Variants in SIX4 observed in about 807,000 individuals in gnomAD.
SIX4 encodes the protein homeobox protein SIX4.
Under a neutral mutation model 51.5 loss-of-function variants are expected in SIX4, and 23 were observed. The observed-to-expected ratio is 0.45, with a 90% CI of 0.32 to 0.63. The LOEUF is 0.63. Ranked by LOEUF, SIX4 falls within the 30% of genes least tolerant of loss-of-function variation. SIX4 has a pLI of 0.04. For synonymous variants in SIX4, 413 were observed against 417.3 expected (o/e 0.99, Z 0.13); for missense variants, 867 against 984.0 (o/e 0.88, Z 1.59).
intron 1 of SIX4, chr14:60,721,228 C>T: frequency 1.1e-6 from 1 of 875,692 alleles, no homozygotes; most frequent in Non-Finnish European, 1.4e-6. Flanking sequence ...TCCCTCTGTT[C>T]CAGGCAGGAC....
At position 60,711,468 on chromosome 14, in the gene SIX4, C is replaced by T. The variant is rs953649334; in HGVS notation, c.*1939G>A. 6.6e-6 allele frequency: 1 copy of T among 151,874 alleles called. No homozygotes were observed. Among genetic ancestry groups the T allele is most frequent in the African/African-American group, 2.4e-5 (1 of 41,326 alleles). 9.4% of individuals were successfully genotyped at this position (151,874 alleles called of 1,614,324 possible). A position where few individuals can be genotyped will look rare whatever the true frequency, so the allele number is the denominator to read the frequency against. ...TTGACATGTAGAGAACTAGAGTGGG[C>T]CCTTTGTTCTGATCATAAAAAAAAA... On this transcript the variant is annotated 3_prime_UTR_variant, in exon 3 of 3. Coordinates refer to ENST00000216513, the MANE Select transcript of SIX4 (RefSeq NM_017420.5).
At position 60,720,527 on chromosome 14, in the gene SIX4, T is replaced by C; in HGVS notation, c.864-82A>G. 1.5e-6 allele frequency: 2 copies of C among 1,346,486 alleles called. No homozygotes were observed. The highest frequency in any genetic ancestry group is 2.0e-6 in the Non-Finnish European group (2 of 981,996). The allele number at this position is 1,346,486 out of a possible 1,614,324, so 83.4% of individuals were successfully genotyped here. On this transcript the variant is annotated intron_variant, in intron 1 of 2. Transcript: ENST00000216513. The surrounding 1 kb of genome is among the most constrained non-coding windows in gnomAD (Gnocchi z 5.5). Reference sequence around the variant, plus strand: ...AGTGCCACTTGTTTGGAAAACCAGCTTCTAAATCCATTAAAGGCAGTATTT... The same window carrying C: ...AGTGCCACTTGTTTGGAAAACCAGCCTCTAAATCCATTAAAGGCAGTATTT...
chr14:60,718,519 T>C (rs1168903846), intron 2 of SIX4, among the ~76,000 whole-genome samples: 1 of 152,178 alleles, frequency 6.6e-6, no homozygotes, highest in Non-Finnish European at 1.5e-5. Context: ...TTTGGAAATT[T>C]TCCAAATGAG....
intron 2 of SIX4, among the ~76,000 whole-genome samples, chr14:60,718,783 T>G (rs1413659309): frequency 6.6e-6 from 1 of 152,204 alleles, no homozygotes; most frequent in South Asian, 2.1e-4. Context: ...TAGACCATAG[T>G]TGTGGTAACA....
At chr14:60,718,746 T>C in intron 2 of SIX4, among the ~76,000 whole-genome samples, 1 of 152,202 alleles carries the variant, frequency 6.6e-6, no homozygotes, top group Non-Finnish European at 1.5e-5. Flanking sequence ...GAACAATTTT[T>C]CCATTAATTC....
At chr14:60,715,660 T>C (rs17097756) in intron 2 of SIX4, among the ~76,000 whole-genome samples, 4,122 of 152,274 alleles carry the variant, frequency 0.027, 166 homozygotes, top group African/African-American at 0.088. Flanking sequence ...AAAGCTGAGA[T>C]GTTCAAATCA....
Position 60,711,971 on chromosome 14 carries a change from C to T in SIX4, c.*1436G>A, listed in dbSNP as rs532138676. 6.6e-6 allele frequency: 1 copy of T among 152,592 alleles called. No individual in the cohort carries two copies. Among genetic ancestry groups the T allele is most frequent in the Non-Finnish European group, 1.5e-5 (1 of 68,016 alleles). 9.5% of individuals were successfully genotyped at this position (152,592 alleles called of 1,614,324 possible). A position where few individuals can be genotyped will look rare whatever the true frequency, so the allele number is the denominator to read the frequency against. On this transcript the variant is annotated 3_prime_UTR_variant, in exon 3 of 3. Coordinates refer to ENST00000216513, the MANE Select transcript of SIX4 (RefSeq NM_017420.5). ...TTCAGAGTCTTGATAAAACTATAGCCACGGCTTACAACATTATTAAACAAG... is the reference window on the plus strand; with the variant it reads ...TTCAGAGTCTTGATAAAACTATAGCTACGGCTTACAACATTATTAAACAAG...
At position 60,724,300 on chromosome 14, in the gene SIX4, C is replaced by A; in HGVS notation, c.-226G>T. On this transcript the variant is annotated 5_prime_UTR_variant, in exon 1 of 3. Coordinates refer to ENST00000216513, the MANE Select transcript of SIX4 (RefSeq NM_017420.5). ...GCAAAGTAGTGTAAACGGATAGCTG[C>A]TTTCTGCCGTTCCCCCAACGTGACT... The A allele has an allele frequency of 2.0e-6, 3 of 1,519,968 alleles. No homozygotes were observed. The highest frequency in any genetic ancestry group is 2.6e-6 in the Non-Finnish European group (3 of 1,136,850). The allele number at this position is 1,519,968 out of a possible 1,614,324, so 94.2% of individuals were successfully genotyped here.
rs558068586 is a variant in SIX4 at position 60,720,557 on chromosome 14, A to G, written c.864-112T>C. ...AATCCATTAAAGGCAGTATTTAAGG[A>G]AAGCACAGCAGGATATCTGCTAGTC... is the stretch of plus-strand genomic sequence containing the variant. On this transcript the variant is annotated intron_variant, in intron 1 of 2. Transcript: ENST00000216513. The surrounding 1 kb of genome is among the most constrained non-coding windows in gnomAD (Gnocchi z 5.5). The G allele has an allele frequency of 9.7e-7, 1 of 1,034,056 alleles. No individual in the cohort carries two copies. Among genetic ancestry groups the G allele is most frequent in the South Asian group, 1.6e-5 (1 of 61,356 alleles). The allele number at this position is 1,034,056 out of a possible 1,614,324, so 64.1% of individuals were successfully genotyped here.
rs1220319026 is a variant in SIX4, at chr14:60,709,954, G to A, written c.*3453C>T. ...GTATGGTGGTAAATTAACATAAAATGTATCAATTAGATACAAAGTAACTGC... is the reference window on the plus strand; with the variant it reads ...GTATGGTGGTAAATTAACATAAAATATATCAATTAGATACAAAGTAACTGC... On this transcript the variant is annotated 3_prime_UTR_variant, in exon 3 of 3. Coordinates refer to ENST00000216513, the MANE Select transcript of SIX4 (RefSeq NM_017420.5). The surrounding 1 kb of genome is among the most constrained non-coding windows in gnomAD (Gnocchi z 4.1). 2.6e-5 allele frequency: 4 copies of A among 152,766 alleles called. No individual in the cohort carries two copies. Among genetic ancestry groups the A allele is most frequent in the Middle Eastern group, 3.4e-3 (1 of 294 alleles). The allele number at this position is 152,766 out of a possible 1,614,324, so 9.5% of individuals were successfully genotyped here. A position where few individuals can be genotyped will look rare whatever the true frequency, so the allele number is the denominator to read the frequency against.
rs772871390 is a variant in SIX4, at chr14:60,723,243, C to A, written c.832G>T (p.Asp278Tyr). The change falls in exon 1 of 3, where the codon GAC becomes TAC. Residue 278 changes from aspartate to tyrosine, a missense_variant. Physicochemically the swap from Asp to Tyr is radical, Grantham distance 160. Transcript: ENST00000216513. ...SNWFKNRRQR[D>Y]RNPSETQSKS... is the part of the protein sequence containing the mutation. The stretch of plus-strand genomic sequence containing the variant: ...GACTGGGTCTCGGAGGGGTTCCTGT[C>A]GCGCTGCCGGCGGTTCTTGAACCAG... 6.2e-7 allele frequency: 1 copy of A among 1,612,560 alleles called. No homozygotes were observed. Among genetic ancestry groups the A allele is most frequent in the Non-Finnish European group, 8.5e-7 (1 of 1,179,682 alleles).
In SIX4 at chr14:60,717,395, C is replaced by T. The variant is rs369901263; in HGVS notation, c.1549+2365G>A. Among the ~76,000 whole-genome samples, 289 of 152,262 alleles carry T rather than the reference C, an allele frequency of 1.9e-3. 7 individuals are homozygous for T. Among genetic ancestry groups the T allele is most frequent in the South Asian group, 0.013 (65 of 4,826 alleles). ...GCGTCTTTAAAATTCTTGTAGGCAG[C>T]TGATTTGTGGCAAAAAAACATCTCA... On this transcript the variant is annotated intron_variant, in intron 2 of 2. Transcript: ENST00000216513. This position sits in a 1 kb window ranked among gnomAD's most constrained non-coding sequence, Gnocchi z 4.6.
At position 60,713,617 on chromosome 14, in the gene SIX4, A is replaced by G; in HGVS notation, c.2136T>C (p.Arg712=). The G allele has an allele frequency of 2.5e-6, 4 of 1,614,212 alleles. No individual in the cohort carries two copies. The highest frequency in any genetic ancestry group is 3.4e-6 in the Non-Finnish European group (4 of 1,180,026). The change falls in exon 3 of 3, where the codon CGT becomes CGC. Residue 712 remains arginine, a synonymous_variant. Coordinates refer to ENST00000216513, the MANE Select transcript of SIX4 (RefSeq NM_017420.5). ...AVHQDFVQEH[R]LVLQSVANMK... is the part of the protein sequence containing the mutation. ...TGTTAGCTACCGATTGCAGAACCAA[A>G]CGATGTTCTTGGACAAAATCCTGAT... is the stretch of plus-strand genomic sequence containing the variant.
In SIX4 at chr14:60,723,784, G is replaced by T. The variant is rs1301505136; in HGVS notation, c.291C>A (p.Ala97=). 1.3e-6 allele frequency: 2 copies of T among 1,537,186 alleles called. No homozygotes were observed. Among genetic ancestry groups the T allele is most frequent in the South Asian group, 1.2e-5 (1 of 84,376 alleles). Residue 97 remains alanine, a synonymous_variant, in exon 1 of 3, where the codon GCC becomes GCA. Transcript: ENST00000216513. ...HSELLGRHHH[A]AAAAAQTPLA... ...GCGGGGTCTGCGCGGCGGCGGCGGCGGCGTGGTGGTGCCTGCCCAGAAGTT... is the reference window on the plus strand; with the variant it reads ...GCGGGGTCTGCGCGGCGGCGGCGGCTGCGTGGTGGTGCCTGCCCAGAAGTT...
In SIX4 at chr14:60,724,245, C is replaced by G; in HGVS notation, c.-171G>C. 1 of 1,538,414 alleles carries G rather than the reference C, an allele frequency of 6.5e-7. No homozygotes were observed. Among genetic ancestry groups the G allele is most frequent in the African/African-American group, 1.4e-5 (1 of 73,306 alleles). ...CTGGCCGATCAGGTTTCCCCCCGGCCACGCAGTCACCATTAAGATAGCTGT... is the reference window on the plus strand; with the variant it reads ...CTGGCCGATCAGGTTTCCCCCCGGCGACGCAGTCACCATTAAGATAGCTGT... On this transcript the variant is annotated 5_prime_UTR_variant, in exon 1 of 3. Coordinates refer to ENST00000216513, the MANE Select transcript of SIX4 (RefSeq NM_017420.5).
chr14:60,710,235 G>C lies in SIX4; in HGVS notation c.*3172C>G, dbSNP rs1359624729. On this transcript the variant is annotated 3_prime_UTR_variant, in exon 3 of 3. Transcript: ENST00000216513. ...ACACAGAGAGATTTAAGGTCAGTGT[G>C]CAATTTAACTATGGATTTTTACCTA... 2 of 152,568 alleles carry C rather than the reference G, an allele frequency of 1.3e-5. No individual in the cohort carries two copies. Among genetic ancestry groups the C allele is most frequent in the African/African-American group, 4.8e-5 (2 of 41,424 alleles). The allele number at this position is 152,568 out of a possible 1,614,324, so 9.5% of individuals were successfully genotyped here.
chr14:60,720,406 G>A lies in SIX4; in HGVS notation c.903C>T (p.Ser301=). 1 of 1,614,034 alleles carries A rather than the reference G, an allele frequency of 6.2e-7. No homozygotes were observed. Among genetic ancestry groups the A allele is most frequent in the Non-Finnish European group, 8.5e-7 (1 of 1,179,978 alleles). The change falls in exon 2 of 3, where the codon AGC becomes AGT. Residue 301 remains serine, a synonymous_variant. Coordinates refer to ENST00000216513, the MANE Select transcript of SIX4 (RefSeq NM_017420.5). The surrounding 1 kb of genome is among the most constrained non-coding windows in gnomAD (Gnocchi z 5.5). ...DGNPSTEDES[S]KGHEDLSPHP... is the part of the protein sequence containing the mutation. ...GAGGAGATAAATCCTCATGTCCCTT[G>A]CTGGATTCATCTTCAGTGCTGGGGT...
rs955933990 is a variant in SIX4 at position 60,712,428 on chromosome 14, T to C, written c.*979A>G. ...AAAGGCCACGAGGTAAAAAGGCACA[T>C]AGAATTCTATAAAAAACATATTTAA... is the stretch of plus-strand genomic sequence containing the variant. On this transcript the variant is annotated 3_prime_UTR_variant, in exon 3 of 3. Transcript: ENST00000216513. The C allele has an allele frequency of 6.6e-6, 1 of 152,576 alleles. No individual in the cohort carries two copies. Among genetic ancestry groups the C allele is most frequent in the African/African-American group, 2.4e-5 (1 of 41,446 alleles). The allele number at this position is 152,576 out of a possible 1,614,324, so 9.5% of individuals were successfully genotyped here. A position where few individuals can be genotyped will look rare whatever the true frequency, so the allele number is the denominator to read the frequency against.
rs1896003477 is a variant in SIX4, at chr14:60,720,593, T to C, written c.864-148A>G. On this transcript the variant is annotated intron_variant, in intron 1 of 2. Coordinates refer to ENST00000216513, the MANE Select transcript of SIX4 (RefSeq NM_017420.5). This position sits in a 1 kb window ranked among gnomAD's most constrained non-coding sequence, Gnocchi z 5.5. ...GGATATCTGCTAGTCCTATTTAAAC[T>C]AAGAGGCCTTTCAGCAGATTCCGAC... The C allele has an allele frequency of 2.8e-6, 2 of 718,060 alleles. No individual in the cohort carries two copies. Among genetic ancestry groups the C allele is most frequent in the South Asian group, 2.4e-5 (1 of 42,026 alleles). The allele number at this position is 718,060 out of a possible 1,614,324, so 44.5% of individuals were successfully genotyped here. A position where few individuals can be genotyped will look rare whatever the true frequency, so the allele number is the denominator to read the frequency against.
Sources: allele counts gnomAD v4.1 joint callset (sites outside exome capture counted in the v4.1 genomes callset), GRCh38; gene constraint gnomAD v4.1.1; non-coding constraint Gnocchi (gnomAD v3.1); transcripts MANE v1.5; gene names NCBI Gene and HGNC (gene_info 2026-07-23, HGNC 2026-07-21).